Variants in HECTD4 observed in about 807,000 individuals in gnomAD.
HECTD4 encodes probable E3 ubiquitin-protein ligase HECTD4.
HECTD4 carries 114 observed loss-of-function variants against 471.5 expected under a neutral mutation model. The ratio of observed to expected loss-of-function variants is 0.24; its 90% CI spans 0.21 to 0.28. The LOEUF (loss-of-function observed/expected upper bound fraction) is 0.28. Ranked by LOEUF, HECTD4 falls within the 10% of genes least tolerant of loss-of-function variation. HECTD4 has a pLI of 1.00. For synonymous variants in HECTD4, 2,012 were observed against 2,256.0 expected, an observed-to-expected ratio of 0.89 and a Z score of 3.07; for missense variants, 3,866 against 5,651.5, an observed-to-expected ratio of 0.68 and a Z score of 10.13.
chr12:112,172,042 T>A (rs972429521), intron 67 of HECTD4, among the ~76,000 whole-genome samples: 5 of 152,176 alleles, frequency 3.3e-5, no homozygotes, highest in African/African-American at 1.2e-4. Context: ...TAGCTGGGAT[T>A]ACAGGCATGC....
At chr12:112,356,386 A>T (rs905018408) in intron 1 of HECTD4, among the ~76,000 whole-genome samples, 1 of 152,180 alleles carries the variant, frequency 6.6e-6, no homozygotes, top group Non-Finnish European at 1.5e-5. Context: ...ACTTCTCATT[A>T]GATCTTTTCC....
intron 1 of HECTD4, among the ~76,000 whole-genome samples, chr12:112,330,605 G>T (rs549620558): frequency 6.6e-6 from 1 of 152,324 alleles, no homozygotes; most frequent in South Asian, 2.1e-4. Context: ...TTTACAGTTT[G>T]TCTTCCCTTT....
Position 112,239,119 on chromosome 12 carries a change from C to T in HECTD4, c.5223G>A (p.Val1741=). ...SSEKQTKKQK[V]ATMAWAAFQV... ...GGAAGGCAGCCCAGGCCATGGTGGCCACCTTCTGCTTCTTGGTCTGTTTCT... is the reference window on the plus strand; with the variant it reads ...GGAAGGCAGCCCAGGCCATGGTGGCTACCTTCTGCTTCTTGGTCTGTTTCT... Residue 1741 remains valine, a synonymous_variant, in exon 34 of 76, where the codon GTG becomes GTA. Coordinates refer to ENST00000682272, the MANE Select transcript of HECTD4 (RefSeq NM_001388303.1). The surrounding 1 kb of genome is among the most constrained non-coding windows in gnomAD (Gnocchi z 4.9). 1 of 1,613,884 alleles carries T rather than the reference C, an allele frequency of 6.2e-7. No individual in the cohort carries two copies. The highest frequency in any genetic ancestry group is 8.5e-7 in the Non-Finnish European group (1 of 1,179,830).
At chr12:112,344,778 C>T (rs541685126) in intron 1 of HECTD4, among the ~76,000 whole-genome samples, 2 of 151,648 alleles carry the variant, frequency 1.3e-5, no homozygotes, top group African/African-American at 2.4e-5. Flanking sequence ...ATAAGCCAGG[C>T]GTGGTGGCGC....
At chr12:112,307,899 T>C (rs529035585) in intron 6 of HECTD4, among the ~76,000 whole-genome samples, 1 of 152,358 alleles carries the variant, frequency 6.6e-6, no homozygotes, top group Non-Finnish European at 1.5e-5. Context: ...GCCGCTACTA[T>C]TGGCTGTATG....
chr12:112,268,138 A>G lies in HECTD4; in HGVS notation c.2322-1156T>C, dbSNP rs545387834. ...CACACTCAGCCTCTTTTCTTTTTTAATTGAGGTTTAACATTTAATCAAGTG... is the reference window on the plus strand; with the variant it reads ...CACACTCAGCCTCTTTTCTTTTTTAGTTGAGGTTTAACATTTAATCAAGTG... On this transcript the variant is annotated intron_variant, in intron 13 of 75. Coordinates refer to ENST00000682272, the MANE Select transcript of HECTD4 (RefSeq NM_001388303.1). Among the ~76,000 whole-genome samples, 68 of 152,280 alleles carry G rather than the reference A, an allele frequency of 4.5e-4. No individual in the cohort carries two copies. The South Asian group carries it at 6.2e-3, about 14-fold the overall frequency.
intron 1 of HECTD4, among the ~76,000 whole-genome samples, chr12:112,333,639 C>T (rs751673846): frequency 1.1e-4 from 16 of 151,896 alleles, no homozygotes; most frequent in Non-Finnish European, 2.2e-4. Context: ...CTTGAGCCCA[C>T]GAGTTCAAGA....
chr12:112,306,516 T>C (rs1324419992), intron 6 of HECTD4, among the ~76,000 whole-genome samples: 1 of 152,248 alleles, frequency 6.6e-6, no homozygotes. Flanking sequence ...AAGTATTTAC[T>C]AAACACTTTG....
chr12:112,255,141 G>A (rs569120545), intron 21 of HECTD4, among the ~76,000 whole-genome samples: 1 of 152,242 alleles, frequency 6.6e-6, no homozygotes, highest in East Asian at 1.9e-4. Flanking sequence ...ATAAGTTAGC[G>A]CATATTGGAA....
chr12:112,363,528 CTAAGT>C (rs1344413794), intron 1 of HECTD4, among the ~76,000 whole-genome samples: 2 of 152,114 alleles, frequency 1.3e-5, no homozygotes, highest in Non-Finnish European at 2.9e-5. Context: ...CATAGAACAA[CTAAGT>C]TAAGCAAAAA....
chr12:112,293,523 C>A (rs1201727467), intron 7 of HECTD4, among the ~76,000 whole-genome samples: 1 of 150,900 alleles, frequency 6.6e-6, no homozygotes, highest in African/African-American at 2.5e-5. Flanking sequence ...GCCTGGGCGA[C>A]AGAAAAAGAT....
At chr12:112,277,138 T>C (rs1370146472) in intron 9 of HECTD4, among the ~76,000 whole-genome samples, 1 of 152,164 alleles carries the variant, frequency 6.6e-6, no homozygotes, top group Non-Finnish European at 1.5e-5. Flanking sequence ...CTAATGTTCA[T>C]AACAGCATTA....
At chr12:112,169,894 A>C in intron 69 of HECTD4, 1 of 598,058 alleles carries the variant, frequency 1.7e-6, no homozygotes. Context: ...GCCCCTTCTC[A>C]TCTTCTAGAG....
chr12:112,219,251 G>T, intron 45 of HECTD4, 135 bp downstream of exon 45: 1 of 524,518 alleles, frequency 1.9e-6, no homozygotes, highest in Non-Finnish European at 3.4e-6. Flanking sequence ...CGCAAAGAGG[G>T]CATGTCACTG....
At chr12:112,322,984 GAA>G (rs1170973036) in intron 1 of HECTD4, 6 of 175,220 alleles carry the variant, frequency 3.4e-5, no homozygotes, top group Non-Finnish European at 1.2e-5. Flanking sequence ...AAAGATGAGA[GAA>G]AACAGCACAA....
At chr12:112,370,406 G>C (rs2036643420) in intron 1 of HECTD4, among the ~76,000 whole-genome samples, 3 of 152,162 alleles carry the variant, frequency 2.0e-5, no homozygotes, top group Admixed American at 2.0e-4. Flanking sequence ...AGGAAACTAA[G>C]ATACTCATCA....
rs144896780 is a variant in HECTD4, at chr12:112,372,953, TTGCCA to T, written c.177+8994_177+8998del. On this transcript the variant is annotated intron_variant, in intron 1 of 75. Coordinates refer to ENST00000682272, the MANE Select transcript of HECTD4 (RefSeq NM_001388303.1). ...TGTATTTGTTTGTAGGGAGAGAGTT[TTGCCA>T]TGTTGTCCAGGCTGGTCTTGAACTC... Among the ~76,000 whole-genome samples the T allele has an allele frequency of 0.042, 6,311 of 151,952 alleles. 1,170 individuals carry two copies. In the East Asian group the frequency reaches 0.6, roughly 15 times the overall value.
intron 1 of HECTD4, among the ~76,000 whole-genome samples, chr12:112,372,538 C>T (rs1280828373): frequency 4.6e-5 from 7 of 152,000 alleles, no homozygotes; most frequent in Admixed American, 4.6e-4. Context: ...CCCACCTCTG[C>T]CTCCCAAAGT....
chr12:112,350,615 T>C (rs995993065), intron 1 of HECTD4, among the ~76,000 whole-genome samples: 1 of 152,252 alleles, frequency 6.6e-6, no homozygotes, highest in Admixed American at 6.5e-5. Context: ...TTTAGTGTTC[T>C]TGGATGAATT....
Sources: gnomAD v4.1 joint callset for allele counts (sites outside exome capture counted in the v4.1 genomes callset) on GRCh38, gnomAD v4.1.1 for gene constraint, Gnocchi (gnomAD v3.1) non-coding constraint, MANE v1.5 for transcripts, NCBI Gene and HGNC (gene_info 2026-07-23, HGNC 2026-07-21) for gene names.